The following NRXN1 variants were observed in gnomAD, a reference collection of about 807,000 sequenced individuals.
NRXN1 encodes neurexin-1.
Under a neutral mutation model 150.9 loss-of-function variants are expected in NRXN1, and 39 were observed. That is an observed-to-expected ratio of 0.26 (90% confidence interval 0.20 to 0.34). The LOEUF (loss-of-function observed/expected upper bound fraction) is 0.34. NRXN1 is among the 10% of genes least tolerant of loss of function. The pLI is 1.00. For missense variants in NRXN1, 1,815 were observed against 1,949.9 expected, an observed-to-expected ratio of 0.93 and a Z score of 1.30; for synonymous variants, 924 against 757.0, an observed-to-expected ratio of 1.22 and a Z score of -3.62.
At chr2:50,293,387 G>T (rs2073179166) in intron 17 of NRXN1, among the ~76,000 whole-genome samples, 1 of 152,278 alleles carries the variant, frequency 6.6e-6, no homozygotes, top group East Asian at 1.9e-4. Flanking sequence ...CCACATGCAT[G>T]ATATGGCAAG....
chr2:51,027,970 T>C lies in NRXN1; in HGVS notation c.304A>G (p.Thr102Ala), dbSNP rs2105332077. ...SFSIFCAEPA[T>A]LLADTPVNDG... ...TTAACCGGCGTGTCGGCCAGGAGCG[T>C]CGCAGGCTCAGCGCAGAAGATGGAG... Residue 102 changes from threonine (T) to alanine (A), a missense_variant, in exon 2 of 23, where the codon ACG becomes GCG. This residue lies in a region of NRXN1 where 554 missense variants were observed against 478.8 expected (regional missense o/e 1.16). Transcript: ENST00000401669. 1.2e-6 allele frequency: 2 copies of C among 1,602,016 alleles called. No homozygotes were observed. Among genetic ancestry groups the C allele is most frequent in the African/African-American group, 2.7e-5 (2 of 75,010 alleles).
chr2:50,873,260 A>G (rs769701757), intron 5 of NRXN1, among the ~76,000 whole-genome samples: 6 of 151,890 alleles, frequency 4.0e-5, no homozygotes, highest in Admixed American at 6.6e-5. Context: ...ATAACACTAT[A>G]TAAACGGTTG....
At chr2:50,978,824 C>G (rs1229827865) in intron 2 of NRXN1, among the ~76,000 whole-genome samples, 1 of 151,996 alleles carries the variant, frequency 6.6e-6, no homozygotes, top group African/African-American at 2.4e-5. Context: ...CTTTCATCCC[C>G]GGATGCTTCC....
chr2:50,158,114 G>T (rs1415091214), intron 18 of NRXN1, among the ~76,000 whole-genome samples: 2 of 147,150 alleles, frequency 1.4e-5, no homozygotes, highest in African/African-American at 5.1e-5. Context: ...TGTGTAGGGG[G>T]AGTCAAATTA....
At chr2:50,243,757 T>G (rs1354124353) in intron 17 of NRXN1, among the ~76,000 whole-genome samples, 2 of 151,750 alleles carry the variant, frequency 1.3e-5, no homozygotes, top group Non-Finnish European at 2.9e-5. Context: ...CCAGCTAGAC[T>G]CCACGGTAGA....
chr2:50,428,347 C>T (rs1295564111), intron 17 of NRXN1, among the ~76,000 whole-genome samples: 4 of 152,048 alleles, frequency 2.6e-5, no homozygotes, highest in Non-Finnish European at 5.9e-5. Context: ...CCCAGAAGGT[C>T]GAAACAGCTG....
intron 19 of NRXN1, among the ~76,000 whole-genome samples, chr2:50,060,312 C>A (rs190499898): frequency 6.6e-5 from 10 of 152,044 alleles, no homozygotes; most frequent in African/African-American, 2.2e-4. Flanking sequence ...GCCTGTAGAC[C>A]CTTCGTTTTG....
chr2:50,899,585 A>T (rs145480812), intron 5 of NRXN1, among the ~76,000 whole-genome samples: 5 of 152,284 alleles, frequency 3.3e-5, no homozygotes, highest in South Asian at 2.1e-4. Flanking sequence ...TAAAAAATTT[A>T]AAAAAGGGGG....
At chr2:50,322,061 C>T (rs995088667) in intron 17 of NRXN1, among the ~76,000 whole-genome samples, 4 of 147,180 alleles carry the variant, frequency 2.7e-5, no homozygotes, top group Admixed American at 6.8e-5. Flanking sequence ...AACAGTCTGT[C>T]ATGTGCACTT....
At chr2:49,940,162 G>A (rs1281425078) in intron 22 of NRXN1, among the ~76,000 whole-genome samples, 1 of 151,872 alleles carries the variant, frequency 6.6e-6, no homozygotes, top group African/African-American at 2.4e-5. Flanking sequence ...GGAGAGTGAG[G>A]TACTCAGAAG....
At chr2:50,742,182 C>A (rs1320922960) in intron 5 of NRXN1, among the ~76,000 whole-genome samples, 1 of 151,834 alleles carries the variant, frequency 6.6e-6, no homozygotes. Context: ...AAAGCTTAAA[C>A]CTTTGACTAA....
At chr2:50,172,826 G>A (rs2060111896) in intron 18 of NRXN1, among the ~76,000 whole-genome samples, 1 of 152,086 alleles carries the variant, frequency 6.6e-6, no homozygotes, top group African/African-American at 2.4e-5. Context: ...AATTAGCCAG[G>A]CGTGGTAGTG....
At chr2:50,998,891 T>A (rs955272715) in intron 2 of NRXN1, among the ~76,000 whole-genome samples, 1 of 152,034 alleles carries the variant, frequency 6.6e-6, no homozygotes, top group African/African-American at 2.4e-5. Flanking sequence ...TGAATGAGAT[T>A]CAATTAGCCC....
chr2:50,686,837 A>G (rs2104843020), intron 5 of NRXN1, among the ~76,000 whole-genome samples: 1 of 152,304 alleles, frequency 6.6e-6, no homozygotes, highest in African/African-American at 2.4e-5. Flanking sequence ...CATCTTTTGT[A>G]TTATGCATGT....
chr2:50,295,642 C>T (rs960160343), intron 17 of NRXN1, among the ~76,000 whole-genome samples: 2 of 152,158 alleles, frequency 1.3e-5, no homozygotes, highest in Admixed American at 1.3e-4. Context: ...TTTATCCTGT[C>T]ATTGCTTAAT....
intron 12 of NRXN1, among the ~76,000 whole-genome samples, chr2:50,522,655 A>G (rs2092818969): frequency 6.6e-6 from 1 of 150,438 alleles, no homozygotes; most frequent in Non-Finnish European, 1.5e-5. Context: ...CTTCTTTACA[A>G]TTCTCATAAG....
At chr2:50,681,967 T>C (rs2352073) in intron 5 of NRXN1, among the ~76,000 whole-genome samples, 18,946 of 152,186 alleles carry the variant, frequency 0.12, 1,696 homozygotes, top group East Asian at 0.31. Context: ...AAACAGAAAC[T>C]GATAACAAAA....
chr2:50,701,566 CA>C (rs1428581601), intron 5 of NRXN1, among the ~76,000 whole-genome samples: 1 of 152,134 alleles, frequency 6.6e-6, no homozygotes, highest in Admixed American at 6.6e-5. Flanking sequence ...CCTCTGTTAG[CA>C]CATGATTACC....
intron 9 of NRXN1, among the ~76,000 whole-genome samples, chr2:50,538,842 T>C (rs1380893150): frequency 7.0e-6 from 1 of 143,322 alleles, no homozygotes; most frequent in African/African-American, 2.7e-5. Context: ...GACTAAATGG[T>C]TCCATTTGAA....
Sources: allele counts gnomAD v4.1 joint callset (sites outside exome capture counted in the v4.1 genomes callset), GRCh38; gene constraint gnomAD v4.1.1; regional missense constraint gnomAD v4.1.1; transcripts MANE v1.5; gene names NCBI Gene and HGNC (gene_info 2026-07-23, HGNC 2026-07-21).